Variants in WIPI2 observed in about 807,000 individuals in gnomAD.
The protein encoded by WIPI2 is WD repeat domain phosphoinositide-interacting protein 2.
WIPI2 carries 28 observed loss-of-function variants against 52.3 expected under a neutral mutation model. The ratio of observed to expected loss-of-function variants is 0.54; its 90% CI spans 0.40 to 0.73. The LOEUF (loss-of-function observed/expected upper bound fraction) is 0.73, where lower values mean the gene tolerates loss of function less well. Ranked by LOEUF, WIPI2 falls within the 30% of genes least tolerant of loss-of-function variation. The probability of loss-of-function intolerance (pLI) is 0.00; values close to 1 mark genes in which losing one functional copy is unlikely to be tolerated. For missense variants in WIPI2, 506 were observed against 602.9 expected (o/e 0.84, Z 1.68); for synonymous variants, 268 against 245.0 (o/e 1.09, Z -0.88).
chr7:5,195,356 G>A (rs1057479398), intron 2 of WIPI2, among the ~76,000 whole-genome samples: 4 of 151,754 alleles, frequency 2.6e-5, no homozygotes, highest in African/African-American at 4.8e-5. Context: ...GTGGTGGCAC[G>A]CGCCTGTGGT....
Position 5,199,659 on chromosome 7 carries a change from G to GT in WIPI2, c.211+2dup. 6.3e-7 allele frequency: 1 copy of GT among 1,580,282 alleles called. No homozygotes were observed. Among genetic ancestry groups the GT allele is most frequent in the Non-Finnish European group, 8.6e-7 (1 of 1,167,568 alleles). On this transcript the variant is annotated splice_donor_variant, in intron 3 of 12. Coordinates refer to ENST00000288828, the MANE Select transcript of WIPI2 (RefSeq NM_015610.4). LOFTEE classifies it high-confidence loss of function. Reference sequence around the variant, plus strand: ...AAGCTGGAACAGATCTATGAATGCAGTAAGTGTTTGCTTTATTTTTCCCCT... The same window carrying GT: ...AAGCTGGAACAGATCTATGAATGCAGTTAAGTGTTTGCTTTATTTTTCCCCT...
rs376172750 is a variant in WIPI2 at position 5,230,316 on chromosome 7, C to T, written c.1253-519C>T. On this transcript the variant is annotated intron_variant, in intron 12 of 12. Transcript: ENST00000288828. The surrounding 1 kb of genome is among the most constrained non-coding windows in gnomAD (Gnocchi z 4.8). Reference sequence around the variant, plus strand: ...GGGAATGAGGCCAATGGGCTCCCCTCCGGCGGCAGCACTAAGACCCATGCA... The same window carrying T: ...GGGAATGAGGCCAATGGGCTCCCCTTCGGCGGCAGCACTAAGACCCATGCA... Among the ~76,000 whole-genome samples the T allele has an allele frequency of 2.0e-4, 31 of 152,358 alleles. No individual in the cohort carries two copies. The highest frequency in any genetic ancestry group is 6.0e-4 in the African/African-American group (25 of 41,584).
intron 3 of WIPI2, among the ~76,000 whole-genome samples, chr7:5,207,763 A>G (rs900007670): frequency 3.8e-5 from 5 of 131,298 alleles, no homozygotes; most frequent in African/African-American, 1.4e-4. Flanking sequence ...CTATGTCCTC[A>G]CTAACTTTTT....
chr7:5,206,970 G>A (rs577911002), intron 3 of WIPI2, among the ~76,000 whole-genome samples: 3 of 152,200 alleles, frequency 2.0e-5, no homozygotes, highest in South Asian at 2.1e-4. Flanking sequence ...GTAGGGACAC[G>A]ATCTTGTTAT....
Position 5,230,825 on chromosome 7 carries a change from C to G in WIPI2, c.1253-10C>G, listed in dbSNP as rs745732649. On this transcript the variant is annotated splice_polypyrimidine_tract_variant and intron_variant, in intron 12 of 12. Coordinates refer to ENST00000288828, the MANE Select transcript of WIPI2 (RefSeq NM_015610.4). This position sits in a 1 kb window ranked among gnomAD's most constrained non-coding sequence, Gnocchi z 4.8. ...AGCCTTTGAAGGGTGACTTCGTCGT[C>G]TCTTTGCAGCCTACACAGACGACCT... The G allele has an allele frequency of 2.8e-5, 45 of 1,609,582 alleles. 1 individual carries two copies. In the South Asian group the frequency reaches 4.7e-4, roughly 17 times the overall value.
Position 5,190,344 on chromosome 7 carries a change from C to A in WIPI2, c.-76C>A. 1 of 1,077,294 alleles carries A rather than the reference C, an allele frequency of 9.3e-7. No individual in the cohort carries two copies. Among genetic ancestry groups the A allele is most frequent in the Non-Finnish European group, 1.2e-6 (1 of 846,200 alleles). 66.7% of individuals were successfully genotyped at this position (1,077,294 alleles called of 1,614,324 possible). A position where few individuals can be genotyped will look rare whatever the true frequency, so the allele number is the denominator to read the frequency against. On this transcript the variant is annotated 5_prime_UTR_variant, in exon 1 of 13. Transcript: ENST00000288828. ...CCGAGGCGGCGAGCGGGGCCCGGCGCCGACCCTGAGTGCAGCCTGACCCGC... is the reference window on the plus strand; with the variant it reads ...CCGAGGCGGCGAGCGGGGCCCGGCGACGACCCTGAGTGCAGCCTGACCCGC...
Position 5,217,208 on chromosome 7 carries a change from G to T in WIPI2, c.576+21G>T, listed in dbSNP as rs377378093. 119 of 1,612,996 alleles carry T rather than the reference G, an allele frequency of 7.4e-5. No individual in the cohort carries two copies. In the African/African-American group the frequency reaches 1.4e-3, roughly 20 times the overall value. ...ATTTGGTGAGATGCCTTTCCTGCTC[G>T]AATAGCTCTCTAAAGTGTGGCTTTT... On this transcript the variant is annotated intron_variant, in intron 6 of 12. Coordinates refer to ENST00000288828, the MANE Select transcript of WIPI2 (RefSeq NM_015610.4).
At position 5,190,324 on chromosome 7, in the gene WIPI2, G is replaced by A; in HGVS notation, c.-96G>A. ...AGGGTGGCGAGTGGCGGCGACCGAG[G>A]CGGCGAGCGGGGCCCGGCGCCGACC... On this transcript the variant is annotated 5_prime_UTR_variant, in exon 1 of 13. Coordinates refer to ENST00000288828, the MANE Select transcript of WIPI2 (RefSeq NM_015610.4). 1 of 806,102 alleles carries A rather than the reference G, an allele frequency of 1.2e-6. No homozygotes were observed. Among genetic ancestry groups the A allele is most frequent in the Admixed American group, 4.7e-5 (1 of 21,152 alleles). The allele number at this position is 806,102 out of a possible 1,614,324, so 49.9% of individuals were successfully genotyped here. A position where few individuals can be genotyped will look rare whatever the true frequency, so the allele number is the denominator to read the frequency against.
chr7:5,192,027 C>T (rs77841981), intron 1 of WIPI2, among the ~76,000 whole-genome samples: 12,139 of 152,254 alleles, frequency 0.08, 667 homozygotes, highest in Middle Eastern at 0.12. Flanking sequence ...GAGCTCTCTT[C>T]CAATGTTCTT....
chr7:5,204,408 A>G (rs1481321177), intron 3 of WIPI2, among the ~76,000 whole-genome samples: 3 of 152,210 alleles, frequency 2.0e-5, no homozygotes, highest in African/African-American at 7.2e-5. Flanking sequence ...CAAAGGTTGC[A>G]GTGAGTCAAG....
At chr7:5,197,672 C>T (rs912955820) in intron 2 of WIPI2, among the ~76,000 whole-genome samples, 2 of 152,084 alleles carry the variant, frequency 1.3e-5, no homozygotes, top group Non-Finnish European at 2.9e-5. Flanking sequence ...CTTCCACATA[C>T]GTGTGAAAGA....
At chr7:5,205,842 TC>T (rs1782267743) in intron 3 of WIPI2, among the ~76,000 whole-genome samples, 1 of 149,922 alleles carries the variant, frequency 6.7e-6, no homozygotes, top group South Asian at 2.1e-4. Context: ...CAAACTGAGT[TC>T]TTTTTTTTTT....
At chr7:5,212,086 A>G (rs1782588304) in intron 3 of WIPI2, among the ~76,000 whole-genome samples, 1 of 152,192 alleles carries the variant, frequency 6.6e-6, no homozygotes, top group South Asian at 2.1e-4. Context: ...TTAAAACAAC[A>G]CCATTTGGGG....
intron 12 of WIPI2, 53 bp downstream of exon 12, chr7:5,229,791 CT>C: frequency 6.2e-7 from 1 of 1,603,398 alleles, no homozygotes; most frequent in Non-Finnish European, 8.5e-7. Flanking sequence ...GCCCCGAGTG[CT>C]ACTGCCTTCT....
At position 5,214,561 on chromosome 7, in the gene WIPI2, G is replaced by C. The variant is rs1439588660; in HGVS notation, c.238G>C (p.Glu80Gln). The change falls in exon 4 of 13, where the codon GAG (glutamate) becomes CAG (glutamine). Residue 80 changes from glutamate to glutamine, a missense_variant. Transcript: ENST00000288828. ...CTDTEDVCIV[E>Q]RLFSSSLVAI... ...CGATACGGAAGATGTGTGCATTGTA[G>C]AGAGATTGTTCTCCAGCAGCCTAGT... 1 of 1,614,248 alleles carries C rather than the reference G, an allele frequency of 6.2e-7. No homozygotes were observed. The highest frequency in any genetic ancestry group is 8.5e-7 in the Non-Finnish European group (1 of 1,180,044).
rs1781416631 is a variant in WIPI2, at chr7:5,190,409, CG to C, written c.-10del. ...CCTCCCCGGCCGGGCCCACTCGCCG[CG>C]CGCCCAGCCATGAACCTGGCGAGCC... is the stretch of plus-strand genomic sequence containing the variant. On this transcript the variant is annotated 5_prime_UTR_variant, in exon 1 of 13. Coordinates refer to ENST00000288828, the MANE Select transcript of WIPI2 (RefSeq NM_015610.4). 6 of 1,399,824 alleles carry C rather than the reference CG, an allele frequency of 4.3e-6. No homozygotes were observed. In the Middle Eastern group the frequency reaches 5.8e-4, roughly 135 times the overall value. The allele number at this position is 1,399,824 out of a possible 1,614,324, so 86.7% of individuals were successfully genotyped here.
intron 3 of WIPI2, among the ~76,000 whole-genome samples, chr7:5,204,211 T>A (rs1196911155): frequency 2.6e-5 from 4 of 152,118 alleles, no homozygotes; most frequent in African/African-American, 9.7e-5. Context: ...TCACGCCTGT[T>A]ATCCCAACAC....
At chr7:5,222,494 G>C (rs1783191355) in intron 7 of WIPI2, 108 bp from the exon 8 acceptor site, 1 of 1,179,356 alleles carries the variant, frequency 8.5e-7, no homozygotes, top group South Asian at 1.2e-5. Context: ...GCCCAGGGCA[G>C]AGCTGTCCTG....
At chr7:5,204,857 T>A (rs1782214177) in intron 3 of WIPI2, among the ~76,000 whole-genome samples, 1 of 152,168 alleles carries the variant, frequency 6.6e-6, no homozygotes, top group Admixed American at 6.5e-5. Context: ...AATTTTTTTT[T>A]AAGAGTTGGG....
Sources: allele counts gnomAD v4.1 joint callset (sites outside exome capture counted in the v4.1 genomes callset), GRCh38; gene constraint gnomAD v4.1.1; non-coding constraint Gnocchi (gnomAD v3.1); transcripts MANE v1.5; gene names NCBI Gene and HGNC (gene_info 2026-07-23, HGNC 2026-07-21).